Variants in SLC24A2 observed in about 807,000 individuals in gnomAD.
SLC24A2 encodes sodium/potassium/calcium exchanger 2.
A neutral mutation model predicts 62.0 loss-of-function variants in SLC24A2; 36 were observed. The ratio of observed to expected loss-of-function variants is 0.58; its 90% CI spans 0.44 to 0.77. SLC24A2 has a LOEUF of 0.77. Among genes scored for constraint, SLC24A2 ranks in the 30% least tolerant of loss-of-function variants. SLC24A2 has a pLI of 0.00. For synonymous variants in SLC24A2, 358 were observed against 294.0 expected (o/e 1.22, Z -2.23); for missense variants, 846 against 817.9 (o/e 1.03, Z -0.42).
chr9:19,813,179 GT>G, the SLC24A2 span, among the ~76,000 whole-genome samples: 1 of 151,996 alleles, frequency 6.6e-6, no homozygotes. Flanking sequence ...ATCTCTACTG[GT>G]TTCCCAGTTA....
At chr9:19,943,723 G>A in the SLC24A2 span, among the ~76,000 whole-genome samples, 1 of 152,156 alleles carries the variant, frequency 6.6e-6, no homozygotes, top group Non-Finnish European at 1.5e-5. Context: ...AGTTTCATCA[G>A]TGTCTCAAAT....
chr9:20,084,473 C>T, the SLC24A2 span, among the ~76,000 whole-genome samples: 12 of 151,824 alleles, frequency 7.9e-5, no homozygotes, highest in South Asian at 2.1e-4. Flanking sequence ...CCTTCTTTTC[C>T]TTTCCTTTCC....
chr9:19,999,856 G>C, the SLC24A2 span, among the ~76,000 whole-genome samples: 1 of 152,102 alleles, frequency 6.6e-6, no homozygotes, highest in Non-Finnish European at 1.5e-5. Context: ...GTCTAGAAGG[G>C]GCCTGTTTTC....
At chr9:19,561,503 C>T (rs572946233) in intron 7 of SLC24A2, among the ~76,000 whole-genome samples, 20 of 141,308 alleles carry the variant, frequency 1.4e-4, no homozygotes, top group African/African-American at 5.3e-4. Context: ...GGTGTGATCT[C>T]GGCTCACTGC....
chr9:19,542,015 C>G (rs1473082956), intron 8 of SLC24A2, among the ~76,000 whole-genome samples: 2 of 152,222 alleles, frequency 1.3e-5, no homozygotes, highest in African/African-American at 4.8e-5. Flanking sequence ...AAGGGAACTC[C>G]CTGACCCTTG....
At chr9:19,758,835 T>C (rs1242350642) in intron 2 of SLC24A2, among the ~76,000 whole-genome samples, 2 of 152,186 alleles carry the variant, frequency 1.3e-5, no homozygotes, top group African/African-American at 4.8e-5. Flanking sequence ...TGTCAGTAAT[T>C]CCTGCTAATC....
chr9:19,969,183 C>CCCCA, the SLC24A2 span, among the ~76,000 whole-genome samples: 15 of 122,182 alleles, frequency 1.2e-4, no homozygotes, highest in African/African-American at 2.5e-4. Flanking sequence ...ACCTCCTTTG[C>CCCCA]CACACACACA....
Position 19,623,581 on chromosome 9 carries a change from A to G in SLC24A2, c.931-1282T>C, listed in dbSNP as rs1817962075. ...TTATTTGCTATGTGCCAATCATTTAAGTTAGGATTAGCATGCTCAAAATCT... is the reference window on the plus strand; with the variant it reads ...TTATTTGCTATGTGCCAATCATTTAGGTTAGGATTAGCATGCTCAAAATCT... On this transcript the variant is annotated intron_variant, in intron 2 of 10. Transcript: ENST00000341998. 3.9e-5 allele frequency among the ~76,000 whole-genome samples: 6 copies of G among 152,350 alleles called. No homozygotes were observed. The South Asian group carries it at 1.2e-3, about 32-fold the overall frequency.
chr9:19,992,883 C>G, the SLC24A2 span, among the ~76,000 whole-genome samples: 5 of 152,178 alleles, frequency 3.3e-5, no homozygotes, highest in Non-Finnish European at 5.9e-5. Flanking sequence ...AATCTGTCGA[C>G]CTATCATTTT....
At chr9:19,999,905 G>A in the SLC24A2 span, among the ~76,000 whole-genome samples, 7 of 152,188 alleles carry the variant, frequency 4.6e-5, no homozygotes, top group African/African-American at 1.7e-4. Flanking sequence ...ATTTTGCCAA[G>A]TGACTAAAGA....
At chr9:19,875,490 G>A in the SLC24A2 span, among the ~76,000 whole-genome samples, 1 of 152,166 alleles carries the variant, frequency 6.6e-6, no homozygotes, top group Admixed American at 6.6e-5. Flanking sequence ...GTTCATCAAA[G>A]CATCAACCCA....
the SLC24A2 span, among the ~76,000 whole-genome samples, chr9:20,304,479 T>C: frequency 6.6e-6 from 1 of 152,210 alleles, no homozygotes; most frequent in Admixed American, 6.5e-5. Context: ...AAAAAAAGAC[T>C]TTTAACAGCC....
intron 2 of SLC24A2, among the ~76,000 whole-genome samples, chr9:19,693,578 A>C (rs1346410670): frequency 2.0e-5 from 3 of 152,112 alleles, no homozygotes; most frequent in Admixed American, 1.3e-4. Context: ...AAGAGATTTA[A>C]AAACGGTGTT....
intron 7 of SLC24A2, among the ~76,000 whole-genome samples, chr9:19,557,434 G>A (rs1835151875): frequency 6.6e-6 from 1 of 152,188 alleles, no homozygotes; most frequent in Admixed American, 6.5e-5. Flanking sequence ...CTGGGGCAGA[G>A]GGCGAGAAGT....
the SLC24A2 span, among the ~76,000 whole-genome samples, chr9:20,012,405 A>C: frequency 1.3e-5 from 2 of 152,174 alleles, 1 homozygote; most frequent in Non-Finnish European, 2.9e-5. Flanking sequence ...TGCCCCTATG[A>C]TTCAGTTACC....
the SLC24A2 span, among the ~76,000 whole-genome samples, chr9:19,936,337 G>A: frequency 6.6e-6 from 1 of 152,156 alleles, no homozygotes; most frequent in Non-Finnish European, 1.5e-5. Context: ...AGGGTGACAT[G>A]ATCAGGGCTC....
the SLC24A2 span, among the ~76,000 whole-genome samples, chr9:20,035,532 T>A: frequency 6.6e-6 from 1 of 152,020 alleles, no homozygotes; most frequent in African/African-American, 2.4e-5. Context: ...GAAAGGAGGA[T>A]TGCTTGAGCC....
chr9:20,207,217 A>G, the SLC24A2 span, among the ~76,000 whole-genome samples: 6 of 152,240 alleles, frequency 3.9e-5, no homozygotes, highest in African/African-American at 1.2e-4. Flanking sequence ...GAAACAGCCA[A>G]GAAAAATTCC....
chr9:19,577,239 C>T (rs1836045938), intron 5 of SLC24A2, among the ~76,000 whole-genome samples: 1 of 152,132 alleles, frequency 6.6e-6, no homozygotes, highest in South Asian at 2.1e-4. Context: ...CCCTCCCTTC[C>T]CAGTTGCTCA....
Sources: allele counts gnomAD v4.1 joint callset (sites outside exome capture counted in the v4.1 genomes callset), GRCh38; gene constraint gnomAD v4.1.1; transcripts MANE v1.5; gene names NCBI Gene and HGNC (gene_info 2026-07-23, HGNC 2026-07-21).